NEK1: variants seen among roughly 807,000 people sequenced by gnomAD.
NEK1 encodes the protein serine/threonine-protein kinase Nek1.
In NEK1, 137 loss-of-function variants were observed where a neutral mutation model predicts 182.1. That is an observed-to-expected ratio of 0.75 (90% CI 0.65 to 0.87). NEK1 has a LOEUF of 0.87. NEK1 is among the 40% of genes least tolerant of loss of function. The pLI is 0.00. For synonymous variants in NEK1, 513 were observed against 492.2 expected, an observed-to-expected ratio of 1.04 and a Z score of -0.56; for missense variants, 1,391 against 1,494.4, an observed-to-expected ratio of 0.93 and a Z score of 1.14.
intron 23 of NEK1, among the ~76,000 whole-genome samples, chr4:169,486,791 TA>T (rs1160783427): frequency 6.6e-6 from 1 of 152,152 alleles, no homozygotes; most frequent in Non-Finnish European, 1.5e-5. Context: ...AGTCTAAAAA[TA>T]AGACAAAGAT....
intron 22 of NEK1, 70 bp from the exon 23 acceptor site, chr4:169,507,202 G>GTTTA (rs1437728267): frequency 2.4e-6 from 1 of 410,344 alleles, no homozygotes; most frequent in Non-Finnish European, 3.8e-6. Context: ...TTTTTTTTTG[G>GTTTA]GCCAGGTCTA....
chr4:169,503,820 C>T (rs1752796830), intron 23 of NEK1, among the ~76,000 whole-genome samples: 2 of 152,074 alleles, frequency 1.3e-5, no homozygotes, highest in Non-Finnish European at 2.9e-5. Flanking sequence ...GCAAAGATTT[C>T]TTCAGTAATA....
chr4:169,433,647 G>A lies in NEK1; in HGVS notation c.2783C>T (p.Thr928Ile), dbSNP rs1259515429. ...GNLEEPDDLETEILQEPSGTN... is the reference protein window; with the variant it reads ...GNLEEPDDLEIEILQEPSGTN... Reference sequence around the variant, plus strand: ...TCCACTTGGCTCTTGTAGAATTTCTGTTTCCAAATCATCAGGTTCTGCAAA... The same window carrying A: ...TCCACTTGGCTCTTGTAGAATTTCTATTTCCAAATCATCAGGTTCTGCAAA... The change falls in exon 29 of 36, where the codon ACA becomes ATA. Residue 928 changes from threonine to isoleucine, a missense_variant. This residue lies in a region of NEK1 where 1,216 missense variants were observed against 1,277.6 expected (regional missense o/e 0.95). Coordinates refer to ENST00000507142, the MANE Select transcript of NEK1 (RefSeq NM_001199397.3). 1 of 1,613,376 alleles carries A rather than the reference G, an allele frequency of 6.2e-7. No individual in the cohort carries two copies. The highest frequency in any genetic ancestry group is 2.2e-5 in the East Asian group (1 of 44,774).
At chr4:169,610,283 T>C (rs1456645004) in intron 2 of NEK1, among the ~76,000 whole-genome samples, 1 of 151,760 alleles carries the variant, frequency 6.6e-6, no homozygotes, top group Non-Finnish European at 1.5e-5. Flanking sequence ...AATACAGGTG[T>C]GAGCCACAGC....
At chr4:169,479,095 G>A (rs376657221) in intron 24 of NEK1, among the ~76,000 whole-genome samples, 154 of 152,054 alleles carry the variant, frequency 1.0e-3, no homozygotes, top group African/African-American at 3.4e-3. Flanking sequence ...TAATCATGAG[G>A]GTTGGGTAGA....
chr4:169,570,576 G>T (rs1229005216), intron 12 of NEK1, among the ~76,000 whole-genome samples: 1 of 150,468 alleles, frequency 6.6e-6, no homozygotes, highest in Non-Finnish European at 1.5e-5. Flanking sequence ...CCCCCGCCCG[G>T]CCAGCCGCCC....
At chr4:169,456,722 G>T (rs1742955820) in intron 27 of NEK1, among the ~76,000 whole-genome samples, 9 of 152,106 alleles carry the variant, frequency 5.9e-5, no homozygotes, top group Admixed American at 5.9e-4. Flanking sequence ...ATATCCAAAA[G>T]AAAGGAAATC....
Position 169,585,481 on chromosome 4 carries a change from C to T in NEK1, c.675G>A (p.Leu225=). The change falls in exon 10 of 36, where the codon TTG becomes TTA. Residue 225 remains leucine, a synonymous_variant. Coordinates refer to ENST00000507142, the MANE Select transcript of NEK1 (RefSeq NM_001199397.3). The stretch of plus-strand genomic sequence containing the variant: ...AACTGCGGAGATCATAGGAATAATG[C>T]AAAGACACAGGTGGAAAAGATCCAG... The part of the protein sequence containing the change: ...IISGSFPPVS[L]HYSYDLRSLV... The T allele has an allele frequency of 2.5e-6, 4 of 1,613,556 alleles. No homozygotes were observed. The highest frequency in any genetic ancestry group is 3.4e-6 in the Non-Finnish European group (4 of 1,179,668).
intron 12 of NEK1, among the ~76,000 whole-genome samples, chr4:169,564,916 A>T (rs1435610233): frequency 6.6e-6 from 1 of 152,172 alleles, no homozygotes; most frequent in Non-Finnish European, 1.5e-5. Context: ...ATAGCAACAA[A>T]GTGATAAGCG....
At chr4:169,589,771 TGGGCTA>T (rs1259007288) in intron 6 of NEK1, among the ~76,000 whole-genome samples, 1 of 152,044 alleles carries the variant, frequency 6.6e-6, no homozygotes, top group Non-Finnish European at 1.5e-5. Flanking sequence ...TTCATGCCAT[TGGGCTA>T]GGGAATGGTT....
intron 19 of NEK1, among the ~76,000 whole-genome samples, chr4:169,524,461 C>CA (rs953408098): frequency 0.16 from 8,027 of 49,422 alleles, 891 homozygotes; most frequent in African/African-American, 0.35. Context: ...AATTCCATCT[C>CA]AAAAAAAAAA....
At chr4:169,542,802 G>C (rs1450336292) in intron 18 of NEK1, among the ~76,000 whole-genome samples, 1 of 151,318 alleles carries the variant, frequency 6.6e-6, no homozygotes, top group African/African-American at 2.4e-5. Context: ...GTCTTCTTTT[G>C]AGAAGTGTCT....
Position 169,556,017 on chromosome 4 carries a change from T to C in NEK1, c.1345A>G (p.Ile449Val). The change falls in exon 17 of 36, where the codon ATT becomes GTT. Residue 449 changes from isoleucine (I) to valine (V), a missense_variant. By Grantham distance (29) the Ile-to-Val change is conservative. Transcript: ENST00000507142. ...CTTTGTTGCTGCATTTGGTCAAAAA[T>C]GGCATGGTAATGTTCATACTGTCCT... is the stretch of plus-strand genomic sequence containing the variant. ...SRGQYEHYHA[I>V]FDQMQQQRAE... 1.2e-6 allele frequency: 2 copies of C among 1,613,746 alleles called. No individual in the cohort carries two copies. Among genetic ancestry groups the C allele is most frequent in the East Asian group, 2.2e-5 (1 of 44,872 alleles).
chr4:169,395,622 T>G (rs1730554861), intron 35 of NEK1, among the ~76,000 whole-genome samples: 1 of 152,222 alleles, frequency 6.6e-6, no homozygotes, highest in African/African-American at 2.4e-5. Flanking sequence ...GGACTATAAT[T>G]TACTTACTTT....
chr4:169,508,452 T>C, intron 20 of NEK1, 121 bp from the exon 21 acceptor site: 1 of 717,060 alleles, frequency 1.4e-6, no homozygotes, highest in East Asian at 3.2e-5. Context: ...ATAAAAGTTC[T>C]GAAATCCGGT....
chr4:169,440,809 G>C (rs1408668584), intron 27 of NEK1, among the ~76,000 whole-genome samples: 1 of 152,220 alleles, frequency 6.6e-6, no homozygotes, highest in Non-Finnish European at 1.5e-5. Flanking sequence ...GAGACTAGTA[G>C]AGGAAGCTGC....
chr4:169,431,342 T>C (rs1341316431), intron 29 of NEK1, among the ~76,000 whole-genome samples: 2 of 152,084 alleles, frequency 1.3e-5, no homozygotes, highest in African/African-American at 4.8e-5. Flanking sequence ...TCACTTGAAA[T>C]ATAAAATGAA....
chr4:169,424,936 TG>T lies in NEK1; in HGVS notation c.2975-137del, dbSNP rs1269607873. The T allele has an allele frequency of 1.1e-5, 9 of 785,268 alleles. 1 individual carries two copies. The highest frequency in any genetic ancestry group is 2.7e-5 in the Admixed American group (1 of 36,464). The allele number at this position is 785,268 out of a possible 1,614,324, so 48.6% of individuals were successfully genotyped here. On this transcript the variant is annotated intron_variant, in intron 30 of 35. Transcript: ENST00000507142. ...CAGGAAAATAAAATCAAAATATGTG[TG>T]TCAGTATATTACCTTCTGAATAATC...
intron 12 of NEK1, among the ~76,000 whole-genome samples, chr4:169,574,769 A>G (rs138623393): frequency 6.6e-6 from 1 of 152,208 alleles, no homozygotes; most frequent in Non-Finnish European, 1.5e-5. Context: ...CAAGGGAAAC[A>G]TTTCCTTCAT....
Sources: allele counts gnomAD v4.1 joint callset (sites outside exome capture counted in the v4.1 genomes callset), GRCh38; gene constraint gnomAD v4.1.1; regional missense constraint gnomAD v4.1.1; transcripts MANE v1.5; gene names NCBI Gene and HGNC (gene_info 2026-07-23, HGNC 2026-07-21).